The following HMCN2 variants were observed in gnomAD, a reference collection of about 807,000 sequenced individuals.
HMCN2 encodes hemicentin-2.
Under a neutral mutation model 377.5 loss-of-function variants are expected in HMCN2, and 325 were observed. That is an observed-to-expected ratio of 0.86 (90% CI 0.79 to 0.94). The LOEUF (loss-of-function observed/expected upper bound fraction) is 0.94, where lower values mean the gene tolerates loss of function less well. Among genes scored for constraint, HMCN2 ranks in the 40% least tolerant of loss-of-function variants. HMCN2 has a pLI of 0.00. For synonymous variants in HMCN2, 2,007 were observed against 2,046.8 expected (o/e 0.98, Z 0.53); for missense variants, 4,543 against 4,725.3 (o/e 0.96, Z 1.13).
chr9:130,379,362 C>G lies in HMCN2; in HGVS notation c.8326C>G (p.Pro2776Ala). 2.0e-6 allele frequency: 2 copies of G among 985,752 alleles called. No homozygotes were observed. Among genetic ancestry groups the G allele is most frequent in the Non-Finnish European group, 2.4e-6 (2 of 829,918 alleles). The allele number at this position is 985,752 out of a possible 1,614,324, so 61.1% of individuals were successfully genotyped here. ...TEYREIVENNPAYLYCDTNAI... is the reference protein window; with the variant it reads ...TEYREIVENNAAYLYCDTNAI... ...ATACAGGGAGATCGTGGAGAACAACCCAGCCTACCTGTACTGCGACACCAA... is the reference window on the plus strand; with the variant it reads ...ATACAGGGAGATCGTGGAGAACAACGCAGCCTACCTGTACTGCGACACCAA... Residue 2776 changes from proline (P) to alanine (A), a missense_variant, in exon 54 of 98, where the codon CCA (proline) becomes GCA (alanine). By Grantham distance (27) the Pro-to-Ala change is conservative (BLOSUM62 -1). This residue lies in a region of HMCN2 where 736 missense variants were observed against 773.2 expected (regional missense o/e 0.95). Transcript: ENST00000683500.
intron 40 of HMCN2, among the ~76,000 whole-genome samples, chr9:130,363,688 T>C (rs1236251961): frequency 6.6e-6 from 1 of 151,744 alleles, no homozygotes; most frequent in Non-Finnish European, 1.5e-5. Flanking sequence ...CTGGGTATGG[T>C]GGTGCGTGCC....
intron 90 of HMCN2, among the ~76,000 whole-genome samples, 196 bp downstream of exon 90, chr9:130,426,120 C>G (rs1016333622): frequency 1.3e-5 from 2 of 152,216 alleles, no homozygotes; most frequent in African/African-American, 4.8e-5. Context: ...CCACTCCTCA[C>G]AGGGACACAG....
At chr9:130,396,107 C>T (rs1050463180) in intron 72 of HMCN2, 42 bp downstream of exon 72, 1 of 948,058 alleles carries the variant, frequency 1.1e-6, no homozygotes, top group Admixed American at 2.5e-5. Flanking sequence ...CACCTTACCC[C>T]ACCCTGCCCA....
In HMCN2 at chr9:130,399,527, G is replaced by T; in HGVS notation, c.11500G>T (p.Ala3834Ser). The change falls in exon 76 of 98, where the codon GCC becomes TCC. Residue 3834 changes from alanine (A) to serine (S), a missense_variant. Ala to Ser is a moderately conservative substitution (Grantham distance 99). Around this residue, in one of 5 missense-constraint regions of HMCN2, gnomAD observed 1,073 missense variants for 1,319.5 expected, o/e 0.81. Coordinates refer to ENST00000683500, the MANE Select transcript of HMCN2 (RefSeq NM_001291815.2). The part of the protein sequence containing the change: ...QGAYRLLPSN[A>S]LLLTAPGPQD... ...CCACCCCAGGCTCCTGCCCTCCAAC[G>T]CCCTGCTCCTCACGGCCCCCGGCCC... The T allele has an allele frequency of 2.3e-6, 3 of 1,288,786 alleles. No homozygotes were observed. The highest frequency in any genetic ancestry group is 3.0e-6 in the Non-Finnish European group (3 of 988,122). 79.8% of individuals were successfully genotyped at this position (1,288,786 alleles called of 1,614,324 possible). A position where few individuals can be genotyped will look rare whatever the true frequency, so the allele number is the denominator to read the frequency against.
chr9:130,404,153 A>G (rs1420332012), intron 80 of HMCN2, among the ~76,000 whole-genome samples: 1 of 152,152 alleles, frequency 6.6e-6, no homozygotes. Flanking sequence ...TGGCACACAC[A>G]CAATTACATG....
At chr9:130,320,616 C>T (rs36139481) in intron 17 of HMCN2, among the ~76,000 whole-genome samples, 160 bp from the exon 18 acceptor site, 51,596 of 152,162 alleles carry the variant, frequency 0.34, 10,750 homozygotes, top group Non-Finnish European at 0.47. Flanking sequence ...TGTGCCCCTG[C>T]GTCCTGGACA....
chr9:130,299,106 C>T lies in HMCN2; in HGVS notation c.1094C>T (p.Ser365Leu), dbSNP rs565757110. Residue 365 changes from serine (S) to leucine (L), a missense_variant, in exon 8 of 98, where the codon TCA becomes TTA. Transcript: ENST00000683500. The stretch of plus-strand genomic sequence containing the variant: ...GACTCGGTGGAGCTGGCACAAAGCT[C>T]AGGGAAGCCCCTCCTGACTCTGCCC... ...RLDSVELAQS[S>L]GKPLLTLPTK... is the part of the protein sequence containing the mutation. 2.1e-6 allele frequency: 1 copy of T among 471,154 alleles called. No homozygotes were observed. Among genetic ancestry groups the T allele is most frequent in the South Asian group, 1.5e-5 (1 of 64,574 alleles). The allele number at this position is 471,154 out of a possible 1,614,324, so 29.2% of individuals were successfully genotyped here. A position where few individuals can be genotyped will look rare whatever the true frequency, so the allele number is the denominator to read the frequency against.
In HMCN2 at chr9:130,347,006, C is replaced by T. The variant is rs1265604078; in HGVS notation, c.3830-160C>T. On this transcript the variant is annotated intron_variant, in intron 25 of 97. Transcript: ENST00000683500. The surrounding 1 kb of genome is among the most constrained non-coding windows in gnomAD (Gnocchi z 5.1). The stretch of plus-strand genomic sequence containing the variant: ...GCGGGTGTGGGGGCTCCCACGGCTC[C>T]GAGGGAAATGCTCCTTCCAGCCTCG... Among the ~76,000 whole-genome samples the T allele has an allele frequency of 2.6e-5, 4 of 151,986 alleles. No homozygotes were observed. The highest frequency in any genetic ancestry group is 4.4e-5 in the Non-Finnish European group (3 of 67,968).
chr9:130,293,304 G>C (rs112613904), intron 4 of HMCN2, among the ~76,000 whole-genome samples: 5 of 19,320 alleles, frequency 2.6e-4, no homozygotes, highest in Non-Finnish European at 4.7e-4. Context: ...TTTTTTTGCG[G>C]TTCTTGTTGT....
intron 25 of HMCN2, among the ~76,000 whole-genome samples, chr9:130,343,758 G>T (rs1839190697): frequency 6.6e-6 from 1 of 152,232 alleles, no homozygotes; most frequent in South Asian, 2.1e-4. Flanking sequence ...TCCCCACCAG[G>T]CCTGCCGCCT....
rs1554918574 is a variant in HMCN2 at position 130,265,787 on chromosome 9, G to T, written c.-92G>T. The stretch of plus-strand genomic sequence containing the variant: ...ACTGGCCGCGGCCCGACGGAGCAAG[G>T]CACTGCCTGCAGCCGCCGTGTGCAC... On this transcript the variant is annotated 5_prime_UTR_variant, in exon 1 of 98. Coordinates refer to ENST00000683500, the MANE Select transcript of HMCN2 (RefSeq NM_001291815.2). The T allele has an allele frequency of 1.5e-5, 4 of 272,046 alleles. No homozygotes were observed. 16.9% of individuals were successfully genotyped at this position (272,046 alleles called of 1,614,324 possible). A position where few individuals can be genotyped will look rare whatever the true frequency, so the allele number is the denominator to read the frequency against.
chr9:130,391,094 G>T lies in HMCN2; in HGVS notation c.9641G>T (p.Arg3214Leu), dbSNP rs376070642. The change falls in exon 63 of 98, where the codon CGC (arginine) becomes CTC (leucine). Residue 3214 changes from arginine (R) to leucine (L), a missense_variant. This residue lies in a region of HMCN2 where 736 missense variants were observed against 773.2 expected (regional missense o/e 0.95). Transcript: ENST00000683500. ...CVAENTQAEARKDFVVAVLVA... is the reference protein window; with the variant it reads ...CVAENTQAEALKDFVVAVLVA... ...GCTGAGAACACCCAGGCTGAGGCCC[G>T]CAAGGACTTCGTGGTAGCAGTGCTG... The T allele has an allele frequency of 2.8e-5, 28 of 987,768 alleles. No homozygotes were observed. In the South Asian group the frequency reaches 1.2e-3, roughly 41 times the overall value. 61.2% of individuals were successfully genotyped at this position (987,768 alleles called of 1,614,324 possible).
At chr9:130,433,316 T>C in intron 97 of HMCN2, 32 bp from the exon 98 acceptor site, 1 of 1,394,150 alleles carries the variant, frequency 7.2e-7, no homozygotes, top group Non-Finnish European at 9.3e-7. Context: ...CACCCCCGAG[T>C]CCGCCTGTCC....
chr9:130,328,742 T>G (rs2131427336), intron 22 of HMCN2, among the ~76,000 whole-genome samples: 1 of 152,296 alleles, frequency 6.6e-6, no homozygotes, highest in Admixed American at 6.5e-5. Flanking sequence ...CAACCTCGGG[T>G]GGCCACTGGC....
At position 130,360,612 on chromosome 9, in the gene HMCN2, TC is replaced by T. The variant is rs751734152; in HGVS notation, c.5950+11del. On this transcript the variant is annotated intron_variant, in intron 38 of 97. Transcript: ENST00000683500. The surrounding 1 kb of genome is among the most constrained non-coding windows in gnomAD (Gnocchi z 4.7). The stretch of plus-strand genomic sequence containing the variant: ...ATGGCCTACGGGTCAATGGTGAGCT[TC>T]CCTGGGCCTACAAGGTCCCTTGTCC... 3 of 1,276,614 alleles carry T rather than the reference TC, an allele frequency of 2.3e-6. No individual in the cohort carries two copies. In the South Asian group the frequency reaches 3.8e-5, roughly 16 times the overall value. 79.1% of individuals were successfully genotyped at this position (1,276,614 alleles called of 1,614,324 possible). A position where few individuals can be genotyped will look rare whatever the true frequency, so the allele number is the denominator to read the frequency against.
chr9:130,333,325 A>G (rs1225602148), intron 22 of HMCN2, among the ~76,000 whole-genome samples: 4 of 152,058 alleles, frequency 2.6e-5, no homozygotes, highest in African/African-American at 4.8e-5. Flanking sequence ...GAGTGCAGCA[A>G]AGGTGTGTGC....
chr9:130,278,045 TCATCATTACCACCACCACC>T (rs1834884148), intron 1 of HMCN2, among the ~76,000 whole-genome samples: 2 of 120,020 alleles, frequency 1.7e-5, no homozygotes, highest in Non-Finnish European at 3.6e-5. Context: ...ACCACCACCA[TCATCATTACCACCACCACC>T]ACCACCATCA....
At chr9:130,338,442 C>T (rs1838874001) in intron 23 of HMCN2, 1 of 152,310 alleles carries the variant, frequency 6.6e-6, no homozygotes, top group Non-Finnish European at 1.5e-5. Flanking sequence ...CACAGAGCCC[C>T]TCCTGCTGGG....
rs1841226446 is a variant in HMCN2, at chr9:130,373,898, G to A, written c.7439-604G>A. Reference sequence around the variant, plus strand: ...TGGGTGCATGGATGGATGGATGGATGGATGGATGGATGGATGGAGAAATTT... The same window carrying A: ...TGGGTGCATGGATGGATGGATGGATAGATGGATGGATGGATGGAGAAATTT... On this transcript the variant is annotated intron_variant, in intron 48 of 97. Coordinates refer to ENST00000683500, the MANE Select transcript of HMCN2 (RefSeq NM_001291815.2). Among the ~76,000 whole-genome samples, 3 of 151,458 alleles carry A rather than the reference G, an allele frequency of 2.0e-5. 1 individual carries two copies. The highest frequency in any genetic ancestry group is 2.9e-5 in the Non-Finnish European group (2 of 67,818).
Sources: gnomAD v4.1 joint callset for allele counts (sites outside exome capture counted in the v4.1 genomes callset) on GRCh38, gnomAD v4.1.1 for gene constraint, gnomAD v4.1.1 regional missense constraint, Gnocchi (gnomAD v3.1) non-coding constraint, MANE v1.5 for transcripts, NCBI Gene and HGNC (gene_info 2026-07-23, HGNC 2026-07-21) for gene names.